USP13: variants seen among roughly 807,000 people sequenced by gnomAD.
The protein encoded by USP13 is ubiquitin carboxyl-terminal hydrolase 13.
A neutral mutation model predicts 107.8 loss-of-function variants in USP13; 68 were observed. The ratio of observed to expected loss-of-function variants is 0.63; its 90% CI spans 0.52 to 0.77. USP13 has a LOEUF of 0.77. Ranked by LOEUF, USP13 falls within the 30% of genes least tolerant of loss-of-function variation. The pLI is 0.00. For missense variants in USP13, 945 were observed against 1,093.3 expected (o/e 0.86, Z 1.91); for synonymous variants, 377 against 389.5 (o/e 0.97, Z 0.38).
At chr3:179,732,242 G>A (rs537886220) in intron 10 of USP13, among the ~76,000 whole-genome samples, 10 of 152,348 alleles carry the variant, frequency 6.6e-5, no homozygotes, top group Non-Finnish European at 1.3e-4. Context: ...GGTGGCTTGA[G>A]GGTAGGGCTG....
intron 19 of USP13, among the ~76,000 whole-genome samples, chr3:179,771,358 A>C (rs1273010010): frequency 6.6e-6 from 1 of 152,208 alleles, no homozygotes; most frequent in Non-Finnish European, 1.5e-5. Flanking sequence ...TCAGGCCTGC[A>C]TTATGGGCCT....
At chr3:179,720,065 T>C (rs944250632) in intron 7 of USP13, 31 bp downstream of exon 7, 12 of 1,575,906 alleles carry the variant, frequency 7.6e-6, no homozygotes, top group Non-Finnish European at 1.0e-5. Context: ...TGTTTCCATC[T>C]TGCATGGGGT....
At chr3:179,750,378 G>GT (rs1349518054) in intron 13 of USP13, among the ~76,000 whole-genome samples, 2 of 145,524 alleles carry the variant, frequency 1.4e-5, no homozygotes, top group Middle Eastern at 3.4e-3. Context: ...AGAGTTTGTT[G>GT]TTTTTTTGGT....
intron 3 of USP13, among the ~76,000 whole-genome samples, chr3:179,693,289 C>T (rs1376462267): frequency 6.6e-6 from 1 of 152,042 alleles, no homozygotes; most frequent in African/African-American, 2.4e-5. Context: ...GCTGGGACTA[C>T]AGGCACACAC....
In USP13 at chr3:179,701,140, G is replaced by T. The variant is rs754794210; in HGVS notation, c.477+11G>T. ...GAGTTACCAGCCCTGGTCAGTGAGT[G>T]TGCACGGCTGCTAGCTAGATGCGCA... On this transcript the variant is annotated intron_variant, in intron 4 of 20. Coordinates refer to ENST00000263966, the MANE Select transcript of USP13 (RefSeq NM_003940.3). The T allele has an allele frequency of 7.5e-6, 12 of 1,599,276 alleles. No individual in the cohort carries two copies. The East Asian group carries it at 2.7e-4, about 36-fold the overall frequency.
chr3:179,723,824 G>C (rs985221584), intron 8 of USP13, among the ~76,000 whole-genome samples: 2 of 152,108 alleles, frequency 1.3e-5, no homozygotes, highest in Non-Finnish European at 2.9e-5. Context: ...AGTGGAGTTA[G>C]ATTCAGGAGC....
chr3:179,696,282 ACC>A (rs1440990951), intron 3 of USP13, among the ~76,000 whole-genome samples: 1 of 151,336 alleles, frequency 6.6e-6, no homozygotes, highest in Non-Finnish European at 1.5e-5. Flanking sequence ...TAAATACTTA[ACC>A]AAGTTTTTTT....
intron 19 of USP13, among the ~76,000 whole-genome samples, chr3:179,776,779 A>G (rs943659192): frequency 2.0e-5 from 3 of 151,316 alleles, no homozygotes; most frequent in Non-Finnish European, 4.4e-5. Context: ...TAAGATAAAC[A>G]TTTCAAAATT....
intron 1 of USP13, among the ~76,000 whole-genome samples, chr3:179,680,104 C>T (rs9858930): frequency 0.34 from 51,804 of 151,462 alleles, 9,064 homozygotes; most frequent in Middle Eastern, 0.39. Context: ...GCCCAGGAGA[C>T]TGAGGCTGCA....
intron 19 of USP13, among the ~76,000 whole-genome samples, chr3:179,769,728 G>A (rs1429815914): frequency 6.6e-6 from 1 of 152,114 alleles, no homozygotes; most frequent in Non-Finnish European, 1.5e-5. Context: ...GTTTCTTAAA[G>A]GATGAATTCA....
chr3:179,771,055 G>A (rs1233206609), intron 19 of USP13, among the ~76,000 whole-genome samples: 1 of 152,234 alleles, frequency 6.6e-6, no homozygotes, highest in Non-Finnish European at 1.5e-5. Flanking sequence ...ATTTTCTCAT[G>A]AAAGCTGGCA....
At chr3:179,677,929 G>A (rs528519023) in intron 1 of USP13, among the ~76,000 whole-genome samples, 2 of 152,072 alleles carry the variant, frequency 1.3e-5, no homozygotes, top group Non-Finnish European at 2.9e-5. Context: ...AGCCCATAAT[G>A]TATAATAAAC....
intron 8 of USP13, among the ~76,000 whole-genome samples, chr3:179,722,762 T>G (rs546104686): frequency 6.6e-6 from 1 of 152,220 alleles, no homozygotes; most frequent in Non-Finnish European, 1.5e-5. Context: ...TTTTTACCCA[T>G]TAACCATCCT....
At chr3:179,676,927 C>T (rs1030502202) in intron 1 of USP13, among the ~76,000 whole-genome samples, 4 of 152,030 alleles carry the variant, frequency 2.6e-5, no homozygotes, top group Admixed American at 6.6e-5. Context: ...GGCATGATCT[C>T]GGCTCACTGC....
chr3:179,720,774 C>T (rs928354476), intron 7 of USP13, among the ~76,000 whole-genome samples: 1 of 151,624 alleles, frequency 6.6e-6, no homozygotes, highest in Non-Finnish European at 1.5e-5. Flanking sequence ...CATCCTCCTC[C>T]TATCTCTTTC....
At chr3:179,740,856 T>A (rs577542505) in intron 11 of USP13, among the ~76,000 whole-genome samples, 137 of 151,628 alleles carry the variant, frequency 9.0e-4, no homozygotes, top group South Asian at 5.4e-3. Flanking sequence ...AACCTCTGCC[T>A]CCTGGGTTCA....
At chr3:179,740,219 A>G (rs760791589) in intron 10 of USP13, 28 bp from the exon 11 acceptor site, 1 of 1,611,870 alleles carries the variant, frequency 6.2e-7, no homozygotes, top group East Asian at 2.2e-5. Context: ...TGAAAGTATC[A>G]TAAGTCCATT....
Position 179,729,511 on chromosome 3 carries a change from A to G in USP13, c.1089-678A>G, listed in dbSNP as rs189049439. On this transcript the variant is annotated intron_variant, in intron 8 of 20. Transcript: ENST00000263966. ...TTTTGAGACAGAGTCTTGCTCTGTC[A>G]TCCAGGCTGGAGTCTGGTGGCATGA... 6.6e-5 allele frequency among the ~76,000 whole-genome samples: 10 copies of G among 152,214 alleles called. No homozygotes were observed. The East Asian group carries it at 1.7e-3, about 26-fold the overall frequency.
chr3:179,761,193 T>A lies in USP13; in HGVS notation c.2030T>A (p.Phe677Tyr). Reference protein sequence around the residue: ...PLEACRKAVYFTGNMGAEVAF... With the variant: ...PLEACRKAVYYTGNMGAEVAF... ...GAAGCATGTCGCAAGGCTGTGTACT[T>A]CACTGGAAATATGGGCGCCGAGGTG... is the stretch of plus-strand genomic sequence containing the variant. Residue 677 changes from phenylalanine to tyrosine, a missense_variant, in exon 17 of 21, where the codon TTC becomes TAC. Phe to Tyr is a conservative substitution (Grantham distance 22). Transcript: ENST00000263966. 1 of 1,614,154 alleles carries A rather than the reference T, an allele frequency of 6.2e-7. No homozygotes were observed. Among genetic ancestry groups the A allele is most frequent in the Non-Finnish European group, 8.5e-7 (1 of 1,180,020 alleles).
Sources: gnomAD v4.1 joint callset for allele counts (sites outside exome capture counted in the v4.1 genomes callset) on GRCh38, gnomAD v4.1.1 for gene constraint, MANE v1.5 for transcripts, NCBI Gene and HGNC (gene_info 2026-07-23, HGNC 2026-07-21) for gene names.